The following CREB3L2 variants were observed in gnomAD, a reference collection of about 807,000 sequenced individuals.
CREB3L2 encodes the protein cyclic AMP-responsive element-binding protein 3-like protein 2.
A neutral mutation model predicts 57.2 loss-of-function variants in CREB3L2; 23 were observed. That is an observed-to-expected ratio of 0.40 (90% confidence interval 0.29 to 0.57). The LOEUF is 0.57. Ranked by LOEUF, CREB3L2 falls within the 20% of genes least tolerant of loss-of-function variation. The probability of loss-of-function intolerance (pLI) is 0.42; values close to 1 mark genes in which losing one functional copy is unlikely to be tolerated. For missense variants in CREB3L2, 628 were observed against 634.7 expected (o/e 0.99, Z 0.11); for synonymous variants, 268 against 265.1 (o/e 1.01, Z -0.11).
Position 137,901,874 on chromosome 7 carries a change from C to CA in CREB3L2, c.975-453dup, listed in dbSNP as rs59855306. ...CCTTGTGACAGAGCAAGATCTGTCTCAAAAAAAAAAAAAAAAAAGAAAAAT... is the reference window on the plus strand; with the variant it reads ...CCTTGTGACAGAGCAAGATCTGTCTCAAAAAAAAAAAAAAAAAAAGAAAAAT... On this transcript the variant is annotated intron_variant, in intron 7 of 11. Coordinates refer to ENST00000330387, the MANE Select transcript of CREB3L2 (RefSeq NM_194071.4). Among the ~76,000 whole-genome samples the CA allele has an allele frequency of 9.7e-4, 56 of 57,810 alleles. 5 individuals carry two copies. The highest frequency in any genetic ancestry group is 3.3e-3 in the East Asian group (6 of 1,814). The allele number at this position is 57,810 out of a possible 152,430, so 37.9% of individuals were successfully genotyped here.
chr7:137,962,334 G>A (rs1030814124), intron 1 of CREB3L2, among the ~76,000 whole-genome samples: 2 of 152,134 alleles, frequency 1.3e-5, no homozygotes, highest in African/African-American at 4.8e-5. Context: ...GAAGGATCCT[G>A]AGTGTGTATT....
At chr7:137,881,164 C>T (rs1230735128) in intron 11 of CREB3L2, among the ~76,000 whole-genome samples, 1 of 152,110 alleles carries the variant, frequency 6.6e-6, no homozygotes, top group Non-Finnish European at 1.5e-5. Context: ...AGTAAGAAGG[C>T]ACTGGGTCTT....
intron 2 of CREB3L2, among the ~76,000 whole-genome samples, chr7:137,917,085 T>C (rs910117115): frequency 1.3e-5 from 2 of 152,190 alleles, no homozygotes; most frequent in African/African-American, 4.8e-5. Flanking sequence ...CCATCTGCCC[T>C]TTGCTGAAAT....
At chr7:137,941,722 A>G (rs1800882403) in intron 1 of CREB3L2, among the ~76,000 whole-genome samples, 2 of 152,258 alleles carry the variant, frequency 1.3e-5, no homozygotes, top group African/African-American at 4.8e-5. Flanking sequence ...AAGTTAAGGT[A>G]CACTACACCA....
At chr7:137,908,825 T>C (rs1799948803) in intron 4 of CREB3L2, among the ~76,000 whole-genome samples, 1 of 152,062 alleles carries the variant, frequency 6.6e-6, no homozygotes, top group African/African-American at 2.4e-5. Context: ...AATACAAAAT[T>C]AGCCTGGCGT....
intron 1 of CREB3L2, among the ~76,000 whole-genome samples, chr7:137,951,850 C>T (rs533086502): frequency 2.6e-5 from 4 of 152,162 alleles, no homozygotes; most frequent in South Asian, 4.2e-4. Flanking sequence ...ATTAGCTGGG[C>T]GTGGTGGTGC....
chr7:137,929,706 C>CA (rs1442307155), intron 1 of CREB3L2, among the ~76,000 whole-genome samples: 7,904 of 132,802 alleles, frequency 0.06, 242 homozygotes, highest in African/African-American at 0.089. Flanking sequence ...ACTAAATATA[C>CA]AAAAAAAAAA....
At chr7:137,890,406 G>A (rs1799508199) in intron 8 of CREB3L2, among the ~76,000 whole-genome samples, 1 of 152,196 alleles carries the variant, frequency 6.6e-6, no homozygotes, top group South Asian at 2.1e-4. Flanking sequence ...CAAAAAAGCT[G>A]ATGAGATGGC....
At position 137,928,253 on chromosome 7, in the gene CREB3L2, G is replaced by A. The variant is rs140782633; in HGVS notation, c.216C>T (p.Ser72=). 2.1e-4 allele frequency: 344 copies of A among 1,613,694 alleles called. 1 individual carries two copies. The highest frequency in any genetic ancestry group is 6.4e-4 in the South Asian group (58 of 90,944). ...VSMEVEPSPT[S]PAPLIQAEHS... ...GCTCAGCCTGGATGAGAGGCGCCGGGGACGTCGGGGAAGGTTCCACCTCCA... is the reference window on the plus strand; with the variant it reads ...GCTCAGCCTGGATGAGAGGCGCCGGAGACGTCGGGGAAGGTTCCACCTCCA... The change falls in exon 2 of 12, where the codon TCC becomes TCT. Residue 72 remains serine (S), a synonymous_variant. Transcript: ENST00000330387.
chr7:137,928,409 TA>T, intron 1 of CREB3L2, 43 bp from the exon 2 acceptor site: 3 of 1,501,466 alleles, frequency 2.0e-6, no homozygotes, highest in Non-Finnish European at 2.8e-6. Flanking sequence ...CTCTTAACCA[TA>T]ATGTGACAGA....
intron 1 of CREB3L2, among the ~76,000 whole-genome samples, chr7:137,928,727 G>A (rs929957035): frequency 6.6e-5 from 10 of 152,174 alleles, no homozygotes; most frequent in Non-Finnish European, 1.2e-4. Flanking sequence ...TTCCTCCCAT[G>A]ATGGCAGAAA....
At chr7:137,910,802 C>G (rs1799990012) in intron 4 of CREB3L2, among the ~76,000 whole-genome samples, 1 of 152,182 alleles carries the variant, frequency 6.6e-6, no homozygotes, top group Non-Finnish European at 1.5e-5. Flanking sequence ...CTATTAAGAG[C>G]TACAGAGCTG....
intron 2 of CREB3L2, among the ~76,000 whole-genome samples, chr7:137,926,212 C>T (rs532645646): frequency 1.3e-5 from 2 of 152,244 alleles, no homozygotes; most frequent in Non-Finnish European, 2.9e-5. Context: ...ACCATTTGAC[C>T]CAGCAATCCC....
intron 1 of CREB3L2, among the ~76,000 whole-genome samples, chr7:137,961,531 C>T (rs1005229320): frequency 2.4e-4 from 36 of 152,174 alleles, no homozygotes. Context: ...TTTGCCATCA[C>T]AGGATACAGA....
chr7:137,966,271 A>T (rs966416090), intron 1 of CREB3L2, among the ~76,000 whole-genome samples: 3 of 152,254 alleles, frequency 2.0e-5, no homozygotes, highest in African/African-American at 7.2e-5. Flanking sequence ...CATAATTTGT[A>T]AAATAGATTA....
chr7:138,001,727 C>G lies in CREB3L2; in HGVS notation c.-22G>C, dbSNP rs764674150. ...CCATGGCGGTGCGGGCCGCGCTGGG[C>G]CGAGGATGCTAAGCGCAGGAGGGGA... On this transcript the variant is annotated 5_prime_UTR_variant, in exon 1 of 12. Coordinates refer to ENST00000330387, the MANE Select transcript of CREB3L2 (RefSeq NM_194071.4). The surrounding 1 kb of genome is among the most constrained non-coding windows in gnomAD (Gnocchi z 4.2). 6.3e-7 allele frequency: 1 copy of G among 1,580,432 alleles called. No individual in the cohort carries two copies. The highest frequency in any genetic ancestry group is 8.6e-7 in the Non-Finnish European group (1 of 1,162,544).
intron 8 of CREB3L2, among the ~76,000 whole-genome samples, chr7:137,888,871 C>T (rs1189176637): frequency 6.6e-6 from 1 of 152,048 alleles, no homozygotes; most frequent in Non-Finnish European, 1.5e-5. Context: ...TTTAGCTATG[C>T]TCTGGGCATG....
At chr7:137,881,555 G>A (rs1050157217) in intron 11 of CREB3L2, among the ~76,000 whole-genome samples, 5 of 152,300 alleles carry the variant, frequency 3.3e-5, no homozygotes, top group Middle Eastern at 3.4e-3. Flanking sequence ...TATGTATAAT[G>A]TACACACATA....
chr7:137,957,653 T>G (rs1563265514), intron 1 of CREB3L2: 2 of 627,884 alleles, frequency 3.2e-6, no homozygotes, highest in Non-Finnish European at 4.8e-6. Context: ...TTTTTCTTCA[T>G]TTTTAGAAAG....
Sources: allele counts gnomAD v4.1 joint callset (sites outside exome capture counted in the v4.1 genomes callset), GRCh38; gene constraint gnomAD v4.1.1; non-coding constraint Gnocchi (gnomAD v3.1); transcripts MANE v1.5; gene names NCBI Gene and HGNC (gene_info 2026-07-23, HGNC 2026-07-21).